The following CTNNA3 variants were observed in gnomAD, a reference collection of about 807,000 sequenced individuals.
CTNNA3 encodes catenin alpha 3.
CTNNA3 carries 76 observed loss-of-function variants against 95.7 expected under a neutral mutation model. The ratio of observed to expected loss-of-function variants is 0.79; its 90% confidence interval spans 0.66 to 0.96. CTNNA3 has a LOEUF of 0.96. CTNNA3 is among the 40% of genes least tolerant of loss of function. The pLI, the probability that CTNNA3 is intolerant of heterozygous loss-of-function variation, is 0.00. For synonymous variants in CTNNA3, 431 were observed against 374.4 expected (o/e 1.15, Z -1.74); for missense variants, 1,191 against 1,089.8 (o/e 1.09, Z -1.31).
chr10:67,024,813 A>C (rs2133086024), intron 7 of CTNNA3, among the ~76,000 whole-genome samples: 1 of 152,274 alleles, frequency 6.6e-6, no homozygotes, highest in Non-Finnish European at 1.5e-5. Context: ...GTTATTTATA[A>C]CCAATATTAA....
At chr10:65,936,860 G>A (rs143360247) in intron 17 of CTNNA3, among the ~76,000 whole-genome samples, 5 of 151,724 alleles carry the variant, frequency 3.3e-5, no homozygotes, top group Non-Finnish European at 5.9e-5. Context: ...TAAATTATAC[G>A]GTTATATATT....
intron 5 of CTNNA3, among the ~76,000 whole-genome samples, chr10:67,235,502 C>CA (rs1222894278): frequency 6.6e-6 from 1 of 150,720 alleles, no homozygotes; most frequent in Admixed American, 6.6e-5. Flanking sequence ...ACACCTTATA[C>CA]AAAAATCAAT....
intron 5 of CTNNA3, among the ~76,000 whole-genome samples, chr10:67,513,422 G>A (rs1365343189): frequency 1.3e-5 from 2 of 152,186 alleles, no homozygotes; most frequent in Non-Finnish European, 2.9e-5. Context: ...TTCTTGAGTA[G>A]GAAAGTGGAA....
At chr10:67,233,931 C>T (rs1025276305) in intron 5 of CTNNA3, among the ~76,000 whole-genome samples, 2 of 152,138 alleles carry the variant, frequency 1.3e-5, no homozygotes, top group East Asian at 1.9e-4. Context: ...ATAAATTCCT[C>T]GACACATACA....
At chr10:67,510,057 G>A (rs1163136066) in intron 5 of CTNNA3, among the ~76,000 whole-genome samples, 2 of 152,162 alleles carry the variant, frequency 1.3e-5, no homozygotes, top group South Asian at 2.1e-4. Context: ...TTGTAAATTT[G>A]TTTAACTTCT....
At chr10:66,531,430 C>G (rs538058202) in intron 10 of CTNNA3, among the ~76,000 whole-genome samples, 16 of 152,158 alleles carry the variant, frequency 1.1e-4, no homozygotes, top group African/African-American at 3.4e-4. Flanking sequence ...TGCTCTGTTG[C>G]CCAGACTAGA....
chr10:66,274,805 T>A (rs1399215348), intron 13 of CTNNA3, among the ~76,000 whole-genome samples: 5 of 152,156 alleles, frequency 3.3e-5, no homozygotes, highest in Admixed American at 3.3e-4. Flanking sequence ...CAGTGATAAA[T>A]CAATCTGTAA....
intron 10 of CTNNA3, among the ~76,000 whole-genome samples, chr10:66,525,292 AATAATAAAATACTAAC>A: frequency 6.6e-6 from 1 of 152,234 alleles, no homozygotes; most frequent in East Asian, 1.9e-4. Context: ...TAATAACGAT[AATAATAAAATACTAAC>A]AAAGTCCATA....
At chr10:67,636,654 T>C (rs1839323140) in intron 2 of CTNNA3, among the ~76,000 whole-genome samples, 2 of 152,092 alleles carry the variant, frequency 1.3e-5, no homozygotes, top group Admixed American at 1.3e-4. Flanking sequence ...CCTTACACCA[T>C]ATACAAAAAG....
chr10:65,927,868 A>G (rs554094500), intron 17 of CTNNA3, among the ~76,000 whole-genome samples: 1 of 152,298 alleles, frequency 6.6e-6, no homozygotes, highest in South Asian at 2.1e-4. Flanking sequence ...TAAGAAATTA[A>G]CAAACTGTTG....
intron 12 of CTNNA3, among the ~76,000 whole-genome samples, chr10:66,331,588 G>T (rs1375840088): frequency 6.6e-6 from 1 of 151,672 alleles, no homozygotes; most frequent in African/African-American, 2.4e-5. Context: ...TTTTTGTCAG[G>T]TTTGTCAAAT....
intron 5 of CTNNA3, among the ~76,000 whole-genome samples, chr10:67,237,780 T>A (rs555977245): frequency 1.3e-5 from 2 of 152,160 alleles, no homozygotes; most frequent in African/African-American, 4.8e-5. Flanking sequence ...GCTAAAGAAC[T>A]CTGAAAGCAA....
At chr10:66,051,812 G>C (rs563357176) in intron 15 of CTNNA3, among the ~76,000 whole-genome samples, 17 of 152,238 alleles carry the variant, frequency 1.1e-4, no homozygotes, top group African/African-American at 4.1e-4. Context: ...GGTCTCCCTT[G>C]TGGGATATAA....
intron 8 of CTNNA3, among the ~76,000 whole-genome samples, chr10:66,769,775 G>C (rs1253826572): frequency 6.6e-6 from 1 of 152,140 alleles, no homozygotes; most frequent in African/African-American, 2.4e-5. Flanking sequence ...AGACAATTCT[G>C]GGAAACATTC....
intron 9 of CTNNA3, among the ~76,000 whole-genome samples, chr10:66,645,939 C>T (rs1220813404): frequency 1.3e-5 from 2 of 152,202 alleles, no homozygotes; most frequent in Admixed American, 6.5e-5. Flanking sequence ...GGCAATGTCA[C>T]ACCACTTTGA....
chr10:66,724,518 T>C (rs758643163), intron 9 of CTNNA3, among the ~76,000 whole-genome samples: 2 of 152,214 alleles, frequency 1.3e-5, no homozygotes, highest in African/African-American at 2.4e-5. Flanking sequence ...TTACTAATTA[T>C]GTCTTACTTA....
At chr10:66,019,650 G>T (rs920600116) in intron 15 of CTNNA3, among the ~76,000 whole-genome samples, 2 of 151,846 alleles carry the variant, frequency 1.3e-5, no homozygotes, top group Non-Finnish European at 2.9e-5. Context: ...ACAGAAAAAA[G>T]AATATGAGAA....
chr10:66,700,959 C>A (rs1183604153), intron 9 of CTNNA3, among the ~76,000 whole-genome samples: 3 of 152,126 alleles, frequency 2.0e-5, no homozygotes, highest in African/African-American at 7.2e-5. Context: ...CTCTCTCATA[C>A]TTTCCTACTA....
intron 5 of CTNNA3, among the ~76,000 whole-genome samples, chr10:67,305,680 A>G (rs1840525746): frequency 6.6e-6 from 1 of 152,182 alleles, no homozygotes; most frequent in Non-Finnish European, 1.5e-5. Context: ...ACAGTTAAAA[A>G]AAGAAAAAAG....
Sources: gnomAD v4.1 joint callset for allele counts (sites outside exome capture counted in the v4.1 genomes callset) on GRCh38, gnomAD v4.1.1 for gene constraint, MANE v1.5 for transcripts, NCBI Gene and HGNC (gene_info 2026-07-23, HGNC 2026-07-21) for gene names.